NPAS2: variants seen among roughly 807,000 people sequenced by gnomAD.
NPAS2 encodes neuronal PAS domain protein 2.
Under a neutral mutation model 107.5 loss-of-function variants are expected in NPAS2, and 23 were observed. The observed-to-expected ratio is 0.21, with a 90% confidence interval of 0.15 to 0.30. The LOEUF (loss-of-function observed/expected upper bound fraction) is 0.30. Among genes scored for constraint, NPAS2 ranks in the 10% least tolerant of loss-of-function variants. The pLI is 1.00. For missense variants in NPAS2, 756 were observed against 1,043.3 expected, an observed-to-expected ratio of 0.72 and a Z score of 3.79; for synonymous variants, 403 against 417.5, an observed-to-expected ratio of 0.97 and a Z score of 0.42.
At chr2:100,886,427 C>T (rs1350707655) in intron 1 of NPAS2, among the ~76,000 whole-genome samples, 1 of 152,178 alleles carries the variant, frequency 6.6e-6, no homozygotes, top group Admixed American at 6.5e-5. Flanking sequence ...TAGTTGATGT[C>T]CATAGCTAGG....
rs186376374 is a variant in NPAS2, at chr2:100,899,030, C to A, written c.-22-5703C>A. On this transcript the variant is annotated intron_variant, in intron 1 of 20. Coordinates refer to ENST00000335681, the MANE Select transcript of NPAS2 (RefSeq NM_002518.4). The stretch of plus-strand genomic sequence containing the variant: ...ACTTTGAGAAAAACATCAGACAAAC[C>A]CGAACTGAAGAACATTCTACAGATA... Among the ~76,000 whole-genome samples the A allele has an allele frequency of 6.1e-4, 93 of 152,108 alleles. 1 individual carries two copies. Among genetic ancestry groups the A allele is most frequent in the African/African-American group, 2.1e-3 (87 of 41,468 alleles).
chr2:100,947,552 C>A (rs79177085), intron 5 of NPAS2, among the ~76,000 whole-genome samples: 37 of 138,178 alleles, frequency 2.7e-4, no homozygotes, highest in African/African-American at 3.2e-4. Context: ...CACTCTGTCT[C>A]AAAAAAAAAA....
chr2:100,830,210 G>A (rs369727365), intron 1 of NPAS2, among the ~76,000 whole-genome samples: 2 of 152,174 alleles, frequency 1.3e-5, no homozygotes, highest in Non-Finnish European at 2.9e-5. Context: ...TTGAGACCAC[G>A]AAGAAATGAG....
At chr2:100,905,788 C>G (rs1481991981) in intron 2 of NPAS2, among the ~76,000 whole-genome samples, 1 of 152,196 alleles carries the variant, frequency 6.6e-6, no homozygotes, top group Admixed American at 6.5e-5. Flanking sequence ...TCACAGAACC[C>G]ACTGCTTGCT....
intron 5 of NPAS2, among the ~76,000 whole-genome samples, chr2:100,941,490 G>A (rs1408311066): frequency 2.0e-5 from 3 of 152,150 alleles, no homozygotes; most frequent in Non-Finnish European, 4.4e-5. Context: ...TTGAGCCTGG[G>A]AGGAGGAGGT....
At chr2:100,992,364 C>T (rs13396200) in intron 19 of NPAS2, among the ~76,000 whole-genome samples, 4,572 of 152,294 alleles carry the variant, frequency 0.03, 247 homozygotes, top group African/African-American at 0.1. Flanking sequence ...TGGGAACTGT[C>T]CAGTGCTGCA....
chr2:100,923,019 T>C (rs1464717630), intron 2 of NPAS2, among the ~76,000 whole-genome samples: 1 of 152,204 alleles, frequency 6.6e-6, no homozygotes, highest in African/African-American at 2.4e-5. Context: ...CTTTAAAATC[T>C]AGGCCAAAAA....
chr2:100,843,047 C>T (rs1194899209), intron 1 of NPAS2, among the ~76,000 whole-genome samples: 1 of 152,010 alleles, frequency 6.6e-6, no homozygotes, highest in Admixed American at 6.6e-5. Flanking sequence ...GGAGAAACCC[C>T]ATCTCTATTA....
In NPAS2 at chr2:100,968,715, TAGTA is replaced by T. The variant is rs1192264045; in HGVS notation, c.1055+291_1055+294del. Among the ~76,000 whole-genome samples the T allele has an allele frequency of 6.6e-6, 1 of 152,214 alleles. No individual in the cohort carries two copies. The highest frequency in any genetic ancestry group is 1.5e-5 in the Non-Finnish European group (1 of 68,032). ...TCTCGCAGGCTGCCAGGATATTACTTAGTAAGTGACTGCTTCACTGACCTACTTA... is the reference window on the plus strand; with the variant it reads ...TCTCGCAGGCTGCCAGGATATTACTTAGTGACTGCTTCACTGACCTACTTA... On this transcript the variant is annotated intron_variant, in intron 11 of 20. Transcript: ENST00000335681. This position sits in a 1 kb window ranked among gnomAD's most constrained non-coding sequence, Gnocchi z 5.3.
chr2:100,949,049 A>G (rs1229696717), intron 6 of NPAS2, among the ~76,000 whole-genome samples: 2 of 152,248 alleles, frequency 1.3e-5, no homozygotes, highest in African/African-American at 2.4e-5. Context: ...GAGCAGCTCT[A>G]TATGAGCCGC....
rs200895188 is a variant in NPAS2, at chr2:100,937,859, A to G, written c.363+17A>G. 1.7e-5 allele frequency: 26 copies of G among 1,562,670 alleles called. No homozygotes were observed. Among genetic ancestry groups the G allele is most frequent in the East Asian group, 2.2e-5 (1 of 44,628 alleles). ...CATTTACCGGTGAGTTTCCACTCCA[A>G]TGGCCTTTACCGGTTCACGTTACCA... On this transcript the variant is annotated intron_variant, in intron 5 of 20. Transcript: ENST00000335681.
Position 100,968,247 on chromosome 2 carries a change from T to C in NPAS2, c.908-34T>C. On this transcript the variant is annotated intron_variant, in intron 10 of 20. Transcript: ENST00000335681. The surrounding 1 kb of genome is among the most constrained non-coding windows in gnomAD (Gnocchi z 5.3). ...GGAAAAGATCATTTTCATATTAACA[T>C]TGGTTATATGCGGAATCCATTTTCT... 6.3e-7 allele frequency: 1 copy of C among 1,599,366 alleles called. No homozygotes were observed. The highest frequency in any genetic ancestry group is 8.6e-7 in the Non-Finnish European group (1 of 1,167,682).
At chr2:100,895,377 T>G (rs978636980) in intron 1 of NPAS2, among the ~76,000 whole-genome samples, 2 of 152,220 alleles carry the variant, frequency 1.3e-5, no homozygotes, top group Admixed American at 1.3e-4. Flanking sequence ...ACTTTGCAGT[T>G]GGGGAGCTAG....
At chr2:100,871,910 G>A (rs542499294) in intron 1 of NPAS2, among the ~76,000 whole-genome samples, 1 of 152,178 alleles carries the variant, frequency 6.6e-6, no homozygotes, top group South Asian at 2.1e-4. Context: ...CACTCTTCAT[G>A]GGTCTTCTGT....
At position 100,899,562 on chromosome 2, in the gene NPAS2, A is replaced by G. The variant is rs1378432801; in HGVS notation, c.-22-5171A>G. Among the ~76,000 whole-genome samples, 3 of 152,166 alleles carry G rather than the reference A, an allele frequency of 2.0e-5. No homozygotes were observed. The East Asian group carries it at 5.8e-4, about 29-fold the overall frequency. On this transcript the variant is annotated intron_variant, in intron 1 of 20. Transcript: ENST00000335681. ...ATAAGAAGGTATCAGTGTTGCGACA[A>G]ATGCACCATACTAATGTAAAATGTT...
At chr2:100,819,018 G>T (rs371362587), upstream of NPAS2, among the ~76,000 whole-genome samples, 19 of 152,294 alleles carry the variant, frequency 1.2e-4, no homozygotes, top group East Asian at 1.9e-3. This position sits in a 1 kb window ranked among gnomAD's most constrained non-coding sequence, Gnocchi z 5.8. Flanking sequence ...GGCACCCGGG[G>T]ATTATTCCTG....
At chr2:100,850,609 G>GATAAATA (rs1678102826) in intron 1 of NPAS2, among the ~76,000 whole-genome samples, 1 of 152,264 alleles carries the variant, frequency 6.6e-6, no homozygotes, top group South Asian at 2.1e-4. Flanking sequence ...TGGATGAATG[G>GATAAATA]ATAAATAAAA....
intron 7 of NPAS2, among the ~76,000 whole-genome samples, chr2:100,949,910 T>C (rs1160546263): frequency 6.6e-6 from 1 of 152,180 alleles, no homozygotes; most frequent in Admixed American, 6.5e-5. Flanking sequence ...CCGTAGGTCT[T>C]CTGCTCACTG....
At chr2:100,882,505 G>A (rs911237756) in intron 1 of NPAS2, among the ~76,000 whole-genome samples, 2 of 152,168 alleles carry the variant, frequency 1.3e-5, no homozygotes, top group African/African-American at 2.4e-5. Context: ...CCAGCTACTC[G>A]GGAGGCTGAG....
Sources: gnomAD v4.1 joint callset for allele counts (sites outside exome capture counted in the v4.1 genomes callset) on GRCh38, gnomAD v4.1.1 for gene constraint, Gnocchi (gnomAD v3.1) non-coding constraint, MANE v1.5 for transcripts, NCBI Gene and HGNC (gene_info 2026-07-23, HGNC 2026-07-21) for gene names.